The following ATXN10 variants were observed in gnomAD, a reference collection of about 807,000 sequenced individuals.
ATXN10 encodes the protein ataxin-10.
ATXN10 carries 28 observed loss-of-function variants against 52.9 expected under a neutral mutation model. The ratio of observed to expected loss-of-function variants is 0.53; its 90% confidence interval spans 0.39 to 0.73. The LOEUF is 0.73. Among genes scored for constraint, ATXN10 ranks in the 30% least tolerant of loss-of-function variants. The pLI is 0.00. For missense variants in ATXN10, 565 were observed against 577.0 expected (o/e 0.98, Z 0.21); for synonymous variants, 226 against 221.5 (o/e 1.02, Z -0.18).
chr22:45,745,203 C>G (rs1196405172), intron 9 of ATXN10, among the ~76,000 whole-genome samples: 1 of 152,122 alleles, frequency 6.6e-6, no homozygotes, highest in Admixed American at 6.5e-5. Flanking sequence ...TATGGTTTAC[C>G]TTTTTCTTCC....
intron 3 of ATXN10, among the ~76,000 whole-genome samples, chr22:45,698,927 A>C (rs1014353595): frequency 6.6e-6 from 1 of 152,192 alleles, no homozygotes; most frequent in Non-Finnish European, 1.5e-5. Flanking sequence ...CTCTGTGAGA[A>C]CTTTATTCTA....
chr22:45,673,272 G>C (rs1192419219), intron 1 of ATXN10: 1 of 152,230 alleles, frequency 6.6e-6, no homozygotes, highest in Non-Finnish European at 1.5e-5. Context: ...ACACAGCTGT[G>C]GGGGTATGTA....
Position 45,805,257 on chromosome 22 carries a change from T to C in ATXN10, c.1174-1702T>C, listed in dbSNP as rs1215907696. Reference sequence around the variant, plus strand: ...GCTGGAACCCTCATAAATTGCTGGGTGAAAATGTAAAATACTGTAAACACT... The same window carrying C: ...GCTGGAACCCTCATAAATTGCTGGGCGAAAATGTAAAATACTGTAAACACT... On this transcript the variant is annotated intron_variant, in intron 9 of 11. Transcript: ENST00000252934. The surrounding 1 kb of genome is among the most constrained non-coding windows in gnomAD (Gnocchi z 4.4). 1.3e-5 allele frequency among the ~76,000 whole-genome samples: 2 copies of C among 152,116 alleles called. No individual in the cohort carries two copies. Among genetic ancestry groups the C allele is most frequent in the African/African-American group, 4.8e-5 (2 of 41,414 alleles).
chr22:45,820,947 C>G lies in ATXN10; in HGVS notation c.1237+13925C>G, dbSNP rs1928626176. 6.6e-6 allele frequency among the ~76,000 whole-genome samples: 1 copy of G among 152,140 alleles called. No individual in the cohort carries two copies. The highest frequency in any genetic ancestry group is 1.5e-5 in the Non-Finnish European group (1 of 68,020). ...TCGAGTTTCTATGAGAAGGACCCAG[C>G]CTTGCCTTTAAGATTTTTCACCTGA... is the stretch of plus-strand genomic sequence containing the variant. On this transcript the variant is annotated intron_variant, in intron 10 of 11. Transcript: ENST00000252934. This position sits in a 1 kb window ranked among gnomAD's most constrained non-coding sequence, Gnocchi z 4.9.
At chr22:45,792,842 T>C in intron 9 of ATXN10, 1 of 524,094 alleles carries the variant, frequency 1.9e-6, no homozygotes, top group Non-Finnish European at 3.9e-6. Context: ...TCATTGGCTT[T>C]GGTGAAAAAC....
chr22:45,738,581 GTTC>G (rs2146800426), intron 7 of ATXN10, 147 bp from the exon 8 acceptor site: 1 of 654,262 alleles, frequency 1.5e-6, no homozygotes, highest in East Asian at 2.9e-5. Context: ...CTTCTGTTTT[GTTC>G]TTCATAGTTT....
rs955531222 is a variant in ATXN10 at position 45,733,787 on chromosome 22, C to G, written c.894+4197C>G. Among the ~76,000 whole-genome samples the G allele has an allele frequency of 4.6e-5, 7 of 150,822 alleles. No homozygotes were observed. Among genetic ancestry groups the G allele is most frequent in the African/African-American group, 1.5e-4 (6 of 41,194 alleles). ...AAAAAAAAAGTTACAAAGTTTTCCCCTTTTTGCCCAGCCTCCATTTGTTTT... is the reference window on the plus strand; with the variant it reads ...AAAAAAAAAGTTACAAAGTTTTCCCGTTTTTGCCCAGCCTCCATTTGTTTT... On this transcript the variant is annotated intron_variant, in intron 7 of 11. Coordinates refer to ENST00000252934, the MANE Select transcript of ATXN10 (RefSeq NM_013236.4). This position sits in a 1 kb window ranked among gnomAD's most constrained non-coding sequence, Gnocchi z 4.4.
rs1928056448 is a variant in ATXN10 at position 45,805,104 on chromosome 22, G to A, written c.1174-1855G>A. ...GACTTGAGTTGTTTCATAATAAGTT[G>A]TGCTGCACCCAGTATCATTAGTCAT... On this transcript the variant is annotated intron_variant, in intron 9 of 11. Transcript: ENST00000252934. The surrounding 1 kb of genome is among the most constrained non-coding windows in gnomAD (Gnocchi z 4.4). Among the ~76,000 whole-genome samples the A allele has an allele frequency of 6.6e-6, 1 of 152,280 alleles. No homozygotes were observed. Among genetic ancestry groups the A allele is most frequent in the South Asian group, 2.1e-4 (1 of 4,830 alleles).
intron 10 of ATXN10, among the ~76,000 whole-genome samples, chr22:45,807,860 A>G: frequency 6.6e-6 from 1 of 152,162 alleles, no homozygotes; most frequent in Admixed American, 6.5e-5. Flanking sequence ...TGCGGGAGGC[A>G]GTGAGGAGCC....
intron 7 of ATXN10, among the ~76,000 whole-genome samples, chr22:45,730,025 T>C (rs1925025855): frequency 6.6e-6 from 1 of 152,130 alleles, no homozygotes; most frequent in African/African-American, 2.4e-5. Context: ...AAATAAATAA[T>C]ACATTGTAAA....
intron 7 of ATXN10, among the ~76,000 whole-genome samples, chr22:45,731,154 A>G (rs1925074691): frequency 6.6e-6 from 1 of 152,106 alleles, no homozygotes; most frequent in African/African-American, 2.4e-5. Context: ...TCTCTGGACC[A>G]CTCAGCTGTA....
At position 45,807,718 on chromosome 22, in the gene ATXN10, A is replaced by G. The variant is rs146624051; in HGVS notation, c.1237+696A>G. On this transcript the variant is annotated intron_variant, in intron 10 of 11. Coordinates refer to ENST00000252934, the MANE Select transcript of ATXN10 (RefSeq NM_013236.4). ...GATACAGCTTGTTTAGATTTGAGAT[A>G]AAACCTACTGTTTAATTTCACGAAC... 2.0e-5 allele frequency among the ~76,000 whole-genome samples: 3 copies of G among 152,302 alleles called. No homozygotes were observed. In the East Asian group the frequency reaches 5.8e-4, roughly 29 times the overall value.
At chr22:45,730,590 C>G (rs966488774) in intron 7 of ATXN10, among the ~76,000 whole-genome samples, 2 of 152,234 alleles carry the variant, frequency 1.3e-5, no homozygotes, top group African/African-American at 4.8e-5. Context: ...CACACCACCA[C>G]CATGCCCAGA....
rs1332946790 is a variant in ATXN10 at position 45,769,192 on chromosome 22, G to A, written c.1173+28654G>A. ...AAAGAGTTGTTATTGTTGTTGACCC[G>A]AGGTTGAGAGCTCTTGGTGGGTAGG... is the stretch of plus-strand genomic sequence containing the variant. On this transcript the variant is annotated intron_variant, in intron 9 of 11. Transcript: ENST00000252934. The surrounding 1 kb of genome is among the most constrained non-coding windows in gnomAD (Gnocchi z 4.2). Among the ~76,000 whole-genome samples the A allele has an allele frequency of 2.6e-5, 4 of 152,008 alleles. No individual in the cohort carries two copies. Among genetic ancestry groups the A allele is most frequent in the Admixed American group, 6.5e-5 (1 of 15,274 alleles).
At chr22:45,749,371 C>T (rs976052267) in intron 9 of ATXN10, among the ~76,000 whole-genome samples, 2 of 152,070 alleles carry the variant, frequency 1.3e-5, no homozygotes, top group African/African-American at 4.8e-5. Context: ...TGTTACCATC[C>T]ACTGCTTCCA....
rs183913089 is a variant in ATXN10, at chr22:45,702,582, C to A, written c.489-107C>A. 217 of 1,005,492 alleles carry A rather than the reference C, an allele frequency of 2.2e-4. No homozygotes were observed. In the African/African-American group the frequency reaches 3.2e-3, roughly 15 times the overall value. The allele number at this position is 1,005,492 out of a possible 1,614,324, so 62.3% of individuals were successfully genotyped here. On this transcript the variant is annotated intron_variant, in intron 4 of 11. Transcript: ENST00000252934. ...ATTTTAAAGTGCTATAATTCTAAAT[C>A]CTCAAAAGTATTAGCATGTAGTGAA...
In ATXN10 at chr22:45,762,628, C is replaced by T. The variant is rs1417162276; in HGVS notation, c.1173+22090C>T. ...GTATGTGTTTAGGCCACAGGGAGAG[C>T]ACAGACTCCCAGAGCATGAACCAAG... is the stretch of plus-strand genomic sequence containing the variant. On this transcript the variant is annotated intron_variant, in intron 9 of 11. Transcript: ENST00000252934. This position sits in a 1 kb window ranked among gnomAD's most constrained non-coding sequence, Gnocchi z 4.3. Among the ~76,000 whole-genome samples the T allele has an allele frequency of 6.6e-6, 1 of 152,166 alleles. No homozygotes were observed. The highest frequency in any genetic ancestry group is 1.5e-5 in the Non-Finnish European group (1 of 68,028).
At position 45,833,233 on chromosome 22, in the gene ATXN10, C is replaced by A. The variant is rs1929049598; in HGVS notation, c.1238-9758C>A. On this transcript the variant is annotated intron_variant, in intron 10 of 11. Transcript: ENST00000252934. The surrounding 1 kb of genome is among the most constrained non-coding windows in gnomAD (Gnocchi z 4.3). ...TATCTGTCCCTGTTCACCCTGCAAG[C>A]CCTCCCCACCCTTGACCACCGACTT... 6.6e-6 allele frequency among the ~76,000 whole-genome samples: 1 copy of A among 152,136 alleles called. No homozygotes were observed. The highest frequency in any genetic ancestry group is 6.5e-5 in the Admixed American group (1 of 15,284).
At chr22:45,768,783 G>A (rs1032332208) in intron 9 of ATXN10, among the ~76,000 whole-genome samples, 4 of 152,222 alleles carry the variant, frequency 2.6e-5, no homozygotes, top group Admixed American at 2.6e-4. Context: ...TTGGAGTGCT[G>A]ATTTGAACAA....
Sources: allele counts gnomAD v4.1 joint callset (sites outside exome capture counted in the v4.1 genomes callset), GRCh38; gene constraint gnomAD v4.1.1; non-coding constraint Gnocchi (gnomAD v3.1); transcripts MANE v1.5; gene names NCBI Gene and HGNC (gene_info 2026-07-23, HGNC 2026-07-21).